Variants in CD99L2 observed in about 807,000 individuals in gnomAD.
CD99L2 encodes CD99 molecule like 2, also known as CD99 antigen-like protein 2.
CD99L2 carries 24 observed loss-of-function variants against 27.3 expected under a neutral mutation model. The ratio of observed to expected loss-of-function variants is 0.88; its 90% CI spans 0.64 to 1.24. CD99L2 has a LOEUF of 1.24. CD99L2 is among the 50% of genes most tolerant of loss of function. The pLI is 0.00. For missense variants in CD99L2, 255 were observed against 221.6 expected (o/e 1.15, Z -0.96); for synonymous variants, 97 against 87.9 (o/e 1.10, Z -0.58).
chrX:150,843,523 C>T (rs1250852684), intron 1 of CD99L2, among the ~76,000 whole-genome samples: 2 of 109,662 alleles, frequency 1.8e-5, no homozygotes, highest in African/African-American at 6.6e-5. Flanking sequence ...TGGTGGCGGG[C>T]GCCTGTAGTC....
In CD99L2 at chrX:150,768,934, C is replaced by T. The variant is rs987227163; in HGVS notation, c.*100G>A. On this transcript the variant is annotated 3_prime_UTR_variant, in exon 11 of 11. Transcript: ENST00000370377. ...ACTCAGACCAACAAGGAGCCGATGG[C>T]ACAGAGCAGCACAGCAGCTGCGGGT... is the stretch of plus-strand genomic sequence containing the variant. 5.6e-6 allele frequency: 6 copies of T among 1,076,553 alleles called. No homozygotes were observed. The highest frequency in any genetic ancestry group is 6.0e-6 in the Non-Finnish European group (5 of 839,959). 88.7% of individuals were successfully genotyped at this position (1,076,553 alleles called of 1,213,427 possible). A position where few individuals can be genotyped will look rare whatever the true frequency, so the allele number is the denominator to read the frequency against.
At chrX:150,824,077 GAGGAAGAAGAAGAAAGAAGA>G (rs1256013569) in intron 2 of CD99L2, among the ~76,000 whole-genome samples, 2 of 91,771 alleles carry the variant, frequency 2.2e-5, no homozygotes, top group Non-Finnish European at 4.3e-5. Flanking sequence ...GGAGGAGGAA[GAGGAAGAAGAAGAAAGAAGA>G]AGGAAGAAGG....
chrX:150,834,454 T>C (rs113144319), intron 1 of CD99L2, among the ~76,000 whole-genome samples: 21,890 of 111,519 alleles, frequency 0.2, 1,621 homozygotes, highest in African/African-American at 0.27. Context: ...ATCGCGCCAC[T>C]GCACTCCAGC....
At chrX:150,806,241 C>T (rs992885975) in intron 4 of CD99L2, among the ~76,000 whole-genome samples, 13 of 112,174 alleles carry the variant, frequency 1.2e-4, no homozygotes, top group Non-Finnish European at 1.9e-5. Context: ...CAAATTACCA[C>T]GATTTGAGCA....
chrX:150,882,068 G>A (rs1033676175), intron 1 of CD99L2, among the ~76,000 whole-genome samples: 2 of 110,511 alleles, frequency 1.8e-5, no homozygotes, highest in East Asian at 2.9e-4. Flanking sequence ...CGCCCGCCTC[G>A]GTCTCCCAAA....
At chrX:150,877,698 A>G (rs1352128871) in intron 1 of CD99L2, among the ~76,000 whole-genome samples, 1 of 110,671 alleles carries the variant, frequency 9.0e-6, no homozygotes, top group Non-Finnish European at 1.9e-5. Flanking sequence ...ATGTGCCTGT[A>G]GTCCCAGCTA....
chrX:150,804,529 G>A (rs371341969), intron 4 of CD99L2, among the ~76,000 whole-genome samples: 4 of 109,504 alleles, frequency 3.7e-5, no homozygotes, highest in African/African-American at 1.3e-4. Context: ...GGCAGATCAC[G>A]AGGTCAGGAG....
intron 9 of CD99L2, among the ~76,000 whole-genome samples, chrX:150,775,707 A>G (rs1557419233): frequency 1.3e-4 from 15 of 112,397 alleles, no homozygotes. Flanking sequence ...TGCCAGAGCA[A>G]TAAGGGCCGT....
chrX:150,767,345 C>T lies in CD99L2; in HGVS notation c.*1689G>A, dbSNP rs1382987150. On this transcript the variant is annotated 3_prime_UTR_variant, in exon 11 of 11. Transcript: ENST00000370377. ...TCGAGACCAGGCCAAGGTTTCTTTC[C>T]TTCATGGCACCACGCAGAGGCATTT... is the stretch of plus-strand genomic sequence containing the variant. 3 of 112,144 alleles carry T rather than the reference C, an allele frequency of 2.7e-5. No individual in the cohort carries two copies. The highest frequency in any genetic ancestry group is 9.7e-5 in the African/African-American group (3 of 30,783). 9.2% of individuals were successfully genotyped at this position (112,144 alleles called of 1,213,427 possible). A position where few individuals can be genotyped will look rare whatever the true frequency, so the allele number is the denominator to read the frequency against.
intron 2 of CD99L2, among the ~76,000 whole-genome samples, chrX:150,830,583 T>C (rs1745313932): frequency 9.1e-6 from 1 of 109,711 alleles, no homozygotes; most frequent in Admixed American, 9.8e-5. Flanking sequence ...CATTATAAAA[T>C]CAATCTAAAA....
intron 1 of CD99L2, among the ~76,000 whole-genome samples, chrX:150,836,645 G>C (rs2046534412): frequency 9.0e-6 from 1 of 111,679 alleles, no homozygotes; most frequent in South Asian, 3.7e-4. Context: ...TATTAACATA[G>C]TCATGTGTTG....
chrX:150,800,902 A>G (rs2045894298), intron 4 of CD99L2, among the ~76,000 whole-genome samples: 1 of 109,847 alleles, frequency 9.1e-6, no homozygotes, highest in Admixed American at 9.7e-5. Flanking sequence ...GTGGTGGTGC[A>G]TGCCTATAAT....
intron 1 of CD99L2, among the ~76,000 whole-genome samples, chrX:150,870,017 A>C (rs1293105387): frequency 1.8e-5 from 2 of 111,598 alleles, no homozygotes; most frequent in African/African-American, 6.5e-5. Flanking sequence ...AACCTTTGCT[A>C]TAATTTTAAT....
At chrX:150,816,608 A>G (rs2046159528) in intron 2 of CD99L2, among the ~76,000 whole-genome samples, 1 of 111,760 alleles carries the variant, frequency 8.9e-6, no homozygotes, top group Admixed American at 9.5e-5. Flanking sequence ...GGGACTGTAA[A>G]CTAGTTCAAC....
intron 1 of CD99L2, among the ~76,000 whole-genome samples, chrX:150,867,327 T>C (rs1189483221): frequency 1.8e-5 from 2 of 111,341 alleles, no homozygotes; most frequent in African/African-American, 6.5e-5. Flanking sequence ...GGAGGATCAC[T>C]TGAGCTTGGG....
chrX:150,794,345 A>T (rs1422183475), intron 6 of CD99L2, among the ~76,000 whole-genome samples: 2 of 111,938 alleles, frequency 1.8e-5, no homozygotes, highest in African/African-American at 6.5e-5. Context: ...GCCCTCACCA[A>T]CACCTTGACT....
At chrX:150,771,951 A>C (rs1195103065) in intron 9 of CD99L2, 1 of 732,391 alleles carries the variant, frequency 1.4e-6, no homozygotes, top group Admixed American at 2.9e-5. Flanking sequence ...TTTTGGCAGC[A>C]GCAGAGGCCG....
chrX:150,841,770 G>T lies in CD99L2; in HGVS notation c.68-10477C>A, dbSNP rs182626863. ...ATTCAACAGACTCAAACTATCTGTG[G>T]ATAAAACCATTCAGTTTCAATCTAG... On this transcript the variant is annotated intron_variant, in intron 1 of 10. Coordinates refer to ENST00000370377, the MANE Select transcript of CD99L2 (RefSeq NM_031462.4). Among the ~76,000 whole-genome samples, 5 of 111,449 alleles carry T rather than the reference G, an allele frequency of 4.5e-5. No homozygotes were observed. In the Admixed American group the frequency reaches 4.8e-4, roughly 11 times the overall value.
chrX:150,779,927 T>C (rs1397302867), intron 7 of CD99L2, among the ~76,000 whole-genome samples: 3 of 112,027 alleles, frequency 2.7e-5, no homozygotes, highest in Admixed American at 1.9e-4. Context: ...TTTGTCAAAA[T>C]TAAAAACTTG....
Sources: gnomAD v4.1 joint callset for allele counts (sites outside exome capture counted in the v4.1 genomes callset) on GRCh38, gnomAD v4.1.1 for gene constraint, MANE v1.5 for transcripts, NCBI Gene and HGNC (gene_info 2026-07-23, HGNC 2026-07-21) for gene names.